The following ASPRV1 variants were observed in gnomAD, a reference collection of about 807,000 sequenced individuals.
ASPRV1 encodes the protein retroviral-like aspartic protease 1.
Under a neutral mutation model 11.0 loss-of-function variants are expected in ASPRV1, and 7 were observed. The ratio of observed to expected loss-of-function variants is 0.64; its 90% CI spans 0.36 to 1.20. The LOEUF (loss-of-function observed/expected upper bound fraction) is 1.20, where lower values mean the gene tolerates loss of function less well. Ranked by LOEUF, ASPRV1 falls within the 50% of genes most tolerant of loss-of-function variation. ASPRV1 has a pLI of 0.02. For synonymous variants in ASPRV1, 136 were observed against 138.4 expected (o/e 0.98, Z 0.12); for missense variants, 299 against 320.0 (o/e 0.93, Z 0.50).
chr2:70,031,104 T>C, the ASPRV1 span: 5 of 152,164 alleles, frequency 3.3e-5, no homozygotes, highest in Admixed American at 3.3e-4. Flanking sequence ...CCAGGGTTCT[T>C]TTAAATCAGT....
At chr2:70,031,712 TG>T in the ASPRV1 span, 2 of 152,040 alleles carry the variant, frequency 1.3e-5, no homozygotes, top group Admixed American at 6.6e-5. Flanking sequence ...AAAGAAAACC[TG>T]GGCTCATGTC....
the ASPRV1 span, among the ~76,000 whole-genome samples, chr2:70,061,562 G>C: frequency 6.6e-6 from 1 of 152,152 alleles, no homozygotes; most frequent in Non-Finnish European, 1.5e-5. Context: ...CAGCAGTAGG[G>C]AAGAAGGGGC....
At chr2:69,980,725 C>T in the ASPRV1 span, among the ~76,000 whole-genome samples, 92 of 152,122 alleles carry the variant, frequency 6.0e-4, no homozygotes, top group Non-Finnish European at 1.2e-3. Flanking sequence ...TATGGGAATT[C>T]TCTCTACTAT....
chr2:70,083,629 T>A, the ASPRV1 span: 1 of 152,060 alleles, frequency 6.6e-6, no homozygotes, highest in Non-Finnish European at 1.5e-5. Flanking sequence ...GTCTCAGTGG[T>A]TTCATCTATA....
the ASPRV1 span, among the ~76,000 whole-genome samples, chr2:69,947,974 C>T: frequency 3.9e-3 from 588 of 151,618 alleles, 3 homozygotes; most frequent in South Asian, 6.9e-3. Context: ...GGAGAAAGTT[C>T]GTTGGATTGC....
At chr2:69,937,328 A>G in the ASPRV1 span, 1 of 1,614,188 alleles carries the variant, frequency 6.2e-7, no homozygotes, top group Non-Finnish European at 8.5e-7. Context: ...GAAGCTGGGC[A>G]TTGAGAGGAT....
chr2:70,014,815 A>AG, the ASPRV1 span, among the ~76,000 whole-genome samples: 1 of 150,788 alleles, frequency 6.6e-6, no homozygotes, highest in Non-Finnish European at 1.5e-5. Context: ...AAAAAAAAAA[A>AG]AAAGAAAAAG....
At chr2:70,078,887 G>C in the ASPRV1 span, among the ~76,000 whole-genome samples, 17 of 152,340 alleles carry the variant, frequency 1.1e-4, no homozygotes, top group Admixed American at 9.8e-4. Context: ...AGAGCAAAAG[G>C]AGGAAGACCA....
downstream of ASPRV1, among the ~76,000 whole-genome samples, chr2:69,957,737 G>A (rs1342431155): frequency 6.6e-6 from 1 of 151,998 alleles, no homozygotes; most frequent in Non-Finnish European, 1.5e-5. Context: ...GCAGTACAGG[G>A]GTAGATGCCA....
the ASPRV1 span, among the ~76,000 whole-genome samples, chr2:69,973,504 C>A: frequency 2.0e-5 from 3 of 152,154 alleles, no homozygotes; most frequent in Non-Finnish European, 2.9e-5. Context: ...GTGCACACCA[C>A]GCCCAGCTAA....
chr2:69,939,759 G>C, the ASPRV1 span: 2 of 152,396 alleles, frequency 1.3e-5, no homozygotes, highest in Non-Finnish European at 2.9e-5. Flanking sequence ...AAAGTGATGA[G>C]AACATTACTA....
At chr2:70,059,314 TG>T in the ASPRV1 span, among the ~76,000 whole-genome samples, 1 of 151,388 alleles carries the variant, frequency 6.6e-6, no homozygotes, top group Non-Finnish European at 1.5e-5. Flanking sequence ...CTTTAAGTTC[TG>T]GGCTACATGT....
At chr2:70,044,739 G>T in the ASPRV1 span, among the ~76,000 whole-genome samples, 2 of 152,020 alleles carry the variant, frequency 1.3e-5, no homozygotes, top group Admixed American at 1.3e-4. Context: ...GATTCCGGGC[G>T]TGAGCCACCA....
At chr2:70,022,332 A>C in the ASPRV1 span, among the ~76,000 whole-genome samples, 1 of 146,968 alleles carries the variant, frequency 6.8e-6, no homozygotes, top group Non-Finnish European at 1.5e-5. Flanking sequence ...TGTTGTCTTA[A>C]GTGTTCTTAC....
chr2:70,029,781 G>A, the ASPRV1 span, among the ~76,000 whole-genome samples: 1 of 152,272 alleles, frequency 6.6e-6, no homozygotes, highest in Admixed American at 6.5e-5. Context: ...GGGGTCTTGT[G>A]TCCTCAGAAT....
chr2:69,998,780 C>A, the ASPRV1 span, among the ~76,000 whole-genome samples: 3 of 151,814 alleles, frequency 2.0e-5, no homozygotes, highest in East Asian at 5.8e-4. Flanking sequence ...TAAGAACAGG[C>A]TAGGAAAAGA....
At chr2:69,978,803 T>C in the ASPRV1 span, among the ~76,000 whole-genome samples, 16 of 152,140 alleles carry the variant, frequency 1.1e-4, no homozygotes, top group Non-Finnish European at 1.5e-4. Flanking sequence ...CTCCCCTTCA[T>C]TGCACAACTG....
At chr2:70,054,936 T>G in the ASPRV1 span, among the ~76,000 whole-genome samples, 1 of 152,292 alleles carries the variant, frequency 6.6e-6, no homozygotes, top group East Asian at 1.9e-4. Flanking sequence ...CATACATACA[T>G]ACATATATAT....
chr2:70,003,655 T>C, the ASPRV1 span, among the ~76,000 whole-genome samples: 1 of 152,130 alleles, frequency 6.6e-6, no homozygotes, highest in Non-Finnish European at 1.5e-5. Context: ...CCAAGGGCCT[T>C]GGGTGTTGAG....
Sources: allele counts gnomAD v4.1 joint callset (sites outside exome capture counted in the v4.1 genomes callset), GRCh38; gene constraint gnomAD v4.1.1; transcripts MANE v1.5; gene names NCBI Gene and HGNC (gene_info 2026-07-23, HGNC 2026-07-21).